The following PDGFC variants were observed in gnomAD, a reference collection of about 807,000 sequenced individuals.
The protein encoded by PDGFC is platelet-derived growth factor C.
PDGFC carries 12 observed loss-of-function variants against 35.5 expected under a neutral mutation model. The observed-to-expected ratio is 0.34, with a 90% CI of 0.22 to 0.55. The LOEUF (loss-of-function observed/expected upper bound fraction) is 0.55, where lower values mean the gene tolerates loss of function less well. Ranked by LOEUF, PDGFC falls within the 20% of genes least tolerant of loss-of-function variation. The pLI, the probability that PDGFC is intolerant of heterozygous loss-of-function variation, is 0.91. For synonymous variants in PDGFC, 159 were observed against 148.8 expected, an observed-to-expected ratio of 1.07 and a Z score of -0.50; for missense variants, 322 against 412.4, an observed-to-expected ratio of 0.78 and a Z score of 1.90.
At chr4:156,855,759 T>C (rs1005983141) in intron 1 of PDGFC, among the ~76,000 whole-genome samples, 27 of 152,212 alleles carry the variant, frequency 1.8e-4, no homozygotes, top group Non-Finnish European at 3.1e-4. Flanking sequence ...TTTGTGGATA[T>C]AGCTATTTCT....
chr4:156,803,952 G>A (rs998706321), intron 3 of PDGFC, among the ~76,000 whole-genome samples: 2 of 151,942 alleles, frequency 1.3e-5, no homozygotes, highest in African/African-American at 4.8e-5. Flanking sequence ...TAGTTCTGTG[G>A]GTAACAGACA....
At chr4:156,868,774 T>C (rs765859893) in intron 1 of PDGFC, among the ~76,000 whole-genome samples, 14 of 152,350 alleles carry the variant, frequency 9.2e-5, no homozygotes, top group African/African-American at 3.1e-4. Context: ...AGATATTCTA[T>C]AGAACTGTAT....
intron 1 of PDGFC, among the ~76,000 whole-genome samples, chr4:156,879,746 C>T (rs1260639605): frequency 1.3e-5 from 2 of 152,098 alleles, no homozygotes; most frequent in African/African-American, 2.4e-5. Context: ...CTGAAATAAA[C>T]ATAGTTCTTT....
At chr4:156,827,000 G>A (rs1199416410) in intron 2 of PDGFC, among the ~76,000 whole-genome samples, 2 of 152,184 alleles carry the variant, frequency 1.3e-5, no homozygotes, top group East Asian at 1.9e-4. Flanking sequence ...AAGCATTTAT[G>A]TTTAATGAAT....
chr4:156,864,736 T>C (rs1412977062), intron 1 of PDGFC, among the ~76,000 whole-genome samples: 1 of 152,134 alleles, frequency 6.6e-6, no homozygotes, highest in Non-Finnish European at 1.5e-5. Flanking sequence ...CAGAAGAATA[T>C]AATGATGAAG....
At chr4:156,778,949 A>G in intron 3 of PDGFC, 1 of 285,608 alleles carries the variant, frequency 3.5e-6, no homozygotes, top group Non-Finnish European at 7.0e-6. Context: ...GTCGGAGTTA[A>G]AAATAAAACA....
intron 1 of PDGFC, among the ~76,000 whole-genome samples, chr4:156,958,118 T>G (rs1330419730): frequency 1.3e-5 from 2 of 151,978 alleles, no homozygotes; most frequent in Non-Finnish European, 2.9e-5. Flanking sequence ...TATACCTAAC[T>G]GCATGTCTTC....
Position 156,772,892 on chromosome 4 carries a change from T to C in PDGFC, c.497A>G (p.Gln166Arg), listed in dbSNP as rs1476617514. ...FCIHYNIVMPQFTEAVSPSVL... is the reference protein window; with the variant it reads ...FCIHYNIVMPRFTEAVSPSVL... The stretch of plus-strand genomic sequence containing the variant: ...TGAAGGACTCACAGCTTCTGTGAAT[T>C]GCTGAAAGTAAAATGAATCCTGTGT... Residue 166 changes from glutamine to arginine, a missense_variant and splice_region_variant, in exon 4 of 6, where the codon CAA becomes CGA. Physicochemically the swap from Gln to Arg is conservative, Grantham distance 43. This residue lies in a region of PDGFC where 202 missense variants were observed against 295.9 expected (regional missense o/e 0.68). Coordinates refer to ENST00000502773, the MANE Select transcript of PDGFC (RefSeq NM_016205.3). The C allele has an allele frequency of 4.4e-6, 7 of 1,605,534 alleles. No individual in the cohort carries two copies. The highest frequency in any genetic ancestry group is 1.6e-4 in the Middle Eastern group (1 of 6,064).
chr4:156,794,376 C>A (rs1050951442), intron 3 of PDGFC, among the ~76,000 whole-genome samples: 4 of 151,908 alleles, frequency 2.6e-5, no homozygotes, highest in African/African-American at 9.7e-5. Context: ...TGCCTCTTTC[C>A]TAAAGAAGCA....
intron 1 of PDGFC, among the ~76,000 whole-genome samples, chr4:156,915,789 A>G (rs1412720059): frequency 6.6e-6 from 1 of 152,146 alleles, no homozygotes; most frequent in African/African-American, 2.4e-5. Flanking sequence ...TTAATTAAAA[A>G]AAGAAAAGAA....
chr4:156,821,508 T>G (rs1732258313), intron 2 of PDGFC, among the ~76,000 whole-genome samples: 1 of 152,102 alleles, frequency 6.6e-6, no homozygotes, highest in Non-Finnish European at 1.5e-5. Flanking sequence ...CCCAACATGC[T>G]GGGGTTACAG....
chr4:156,959,547 C>A (rs183097020), intron 1 of PDGFC, among the ~76,000 whole-genome samples: 4 of 152,014 alleles, frequency 2.6e-5, no homozygotes, highest in African/African-American at 7.2e-5. Context: ...ATATAATTCA[C>A]CACTACCGGG....
intron 2 of PDGFC, among the ~76,000 whole-genome samples, chr4:156,813,790 G>A (rs930676889): frequency 1.3e-5 from 2 of 152,006 alleles, no homozygotes; most frequent in Non-Finnish European, 2.9e-5. Flanking sequence ...ATTTGTCAAC[G>A]TTTTAAAAAA....
chr4:156,949,895 C>A (rs577325449), intron 1 of PDGFC, among the ~76,000 whole-genome samples: 1 of 151,896 alleles, frequency 6.6e-6, no homozygotes, highest in Non-Finnish European at 1.5e-5. Flanking sequence ...ATATTTGTAA[C>A]TTACAGCTTT....
intron 3 of PDGFC, among the ~76,000 whole-genome samples, chr4:156,781,169 T>G (rs1730970548): frequency 1.3e-5 from 2 of 152,320 alleles, no homozygotes; most frequent in South Asian, 4.1e-4. Flanking sequence ...TTTGCAGTCG[T>G]ACTTTGCTCC....
At chr4:156,850,192 T>G in intron 2 of PDGFC, 29 bp downstream of exon 2, 2 of 1,180,628 alleles carry the variant, frequency 1.7e-6, no homozygotes, top group Non-Finnish European at 2.3e-6. Context: ...AGTTGTTACA[T>G]TGTTGGGATT....
intron 1 of PDGFC, among the ~76,000 whole-genome samples, chr4:156,962,793 T>C (rs1732372873): frequency 6.6e-6 from 1 of 152,026 alleles, no homozygotes; most frequent in South Asian, 2.1e-4. Flanking sequence ...CACGGAGAGT[T>C]TATACACTGC....
At chr4:156,797,460 A>C (rs1834389) in intron 3 of PDGFC, among the ~76,000 whole-genome samples, 27,246 of 152,046 alleles carry the variant, frequency 0.18, 2,563 homozygotes, top group South Asian at 0.39. Context: ...TGAGGTACAG[A>C]AACAGCTGGA....
chr4:156,952,103 G>T (rs533995474), intron 1 of PDGFC, among the ~76,000 whole-genome samples: 30 of 151,860 alleles, frequency 2.0e-4, no homozygotes, highest in Non-Finnish European at 3.7e-4. Flanking sequence ...TTTAGGCAAA[G>T]GAATGCATCT....
Sources: allele counts gnomAD v4.1 joint callset (sites outside exome capture counted in the v4.1 genomes callset), GRCh38; gene constraint gnomAD v4.1.1; regional missense constraint gnomAD v4.1.1; transcripts MANE v1.5; gene names NCBI Gene and HGNC (gene_info 2026-07-23, HGNC 2026-07-21).